Variants in FEZ1 observed in about 807,000 individuals in gnomAD.
The protein encoded by FEZ1 is fasciculation and elongation protein zeta 1.
FEZ1 carries 20 observed loss-of-function variants against 49.3 expected under a neutral mutation model. That is an observed-to-expected ratio of 0.41 (90% CI 0.29 to 0.59). FEZ1 has a LOEUF of 0.59. Ranked by LOEUF, FEZ1 falls within the 20% of genes least tolerant of loss-of-function variation. The probability of loss-of-function intolerance (pLI) is 0.36; values close to 1 mark genes in which losing one functional copy is unlikely to be tolerated. For synonymous variants in FEZ1, 170 were observed against 180.9 expected, an observed-to-expected ratio of 0.94 and a Z score of 0.48; for missense variants, 413 against 476.0, an observed-to-expected ratio of 0.87 and a Z score of 1.23.
chr11:125,471,274 A>G (rs1328974981), intron 3 of FEZ1, among the ~76,000 whole-genome samples: 1 of 152,138 alleles, frequency 6.6e-6, no homozygotes, highest in Non-Finnish European at 1.5e-5. Context: ...CCAAATGTCA[A>G]TGGACTACAC....
In FEZ1 at chr11:125,446,405, C is replaced by T. The variant is rs138798691; in HGVS notation, c.1163-294G>A. Among the ~76,000 whole-genome samples the T allele has an allele frequency of 7.6e-4, 115 of 152,314 alleles. No individual in the cohort carries two copies. The South Asian group carries it at 7.7e-3, about 10-fold the overall frequency. ...TTGTTTCTTCATCAATACAATAGAA[C>T]GTACCTGCGCCTACCCCGCAGGGTT... On this transcript the variant is annotated intron_variant, in intron 9 of 9. Transcript: ENST00000278919.
intron 2 of FEZ1, among the ~76,000 whole-genome samples, chr11:125,484,324 G>T (rs1957308773): frequency 6.6e-6 from 1 of 152,208 alleles, no homozygotes; most frequent in African/African-American, 2.4e-5. Flanking sequence ...ACTTGTCTCA[G>T]CTCACACTGC....
chr11:125,455,688 C>T (rs1339260656), intron 6 of FEZ1, 147 bp downstream of exon 6: 2 of 810,066 alleles, frequency 2.5e-6, no homozygotes, highest in Non-Finnish European at 4.2e-6. Flanking sequence ...TATCTTCTCC[C>T]TTTCTGACCC....
chr11:125,480,928 A>C (rs1417221951), intron 3 of FEZ1, among the ~76,000 whole-genome samples: 2 of 151,818 alleles, frequency 1.3e-5, no homozygotes, highest in African/African-American at 4.8e-5. Flanking sequence ...AGTCCCAGCT[A>C]CTCGGGATGC....
Position 125,489,047 on chromosome 11 carries a change from TTCGGGA to T in FEZ1, c.311+414_311+419del. 1 of 986,768 alleles carries T rather than the reference TTCGGGA, an allele frequency of 1.0e-6. No homozygotes were observed. The highest frequency in any genetic ancestry group is 1.2e-6 in the Non-Finnish European group (1 of 830,990). The allele number at this position is 986,768 out of a possible 1,614,324, so 61.1% of individuals were successfully genotyped here. ...TCCAGGCCTGAGGGGCTGTCAAAAA[TTCGGGA>T]TTTTCAAAATTCTGGTGTTTCTTGA... On this transcript the variant is annotated intron_variant, in intron 2 of 9. Coordinates refer to ENST00000278919, the MANE Select transcript of FEZ1 (RefSeq NM_005103.5). The surrounding 1 kb of genome is among the most constrained non-coding windows in gnomAD (Gnocchi z 4.2).
chr11:125,450,309 C>T (rs1249058794), intron 8 of FEZ1, among the ~76,000 whole-genome samples: 2 of 152,218 alleles, frequency 1.3e-5, no homozygotes, highest in East Asian at 1.9e-4. Context: ...GGATTACAGG[C>T]GTGAGCCACC....
chr11:125,452,598 C>T (rs1956968055), intron 7 of FEZ1, 189 bp from the exon 8 acceptor site: 1 of 550,358 alleles, frequency 1.8e-6, no homozygotes, highest in Non-Finnish European at 3.2e-6. Flanking sequence ...GTAAGACTTT[C>T]CCACATTTCT....
At chr11:125,488,979 A>G in intron 2 of FEZ1, 1 of 985,516 alleles carries the variant, frequency 1.0e-6, no homozygotes. Flanking sequence ...TTCAGTTTAG[A>G]TGCTTTCTTA....
At chr11:125,478,196 A>G (rs1957248390) in intron 3 of FEZ1, among the ~76,000 whole-genome samples, 1 of 152,174 alleles carries the variant, frequency 6.6e-6, no homozygotes, top group South Asian at 2.1e-4. Flanking sequence ...TAATCCCAGC[A>G]CTTTGGGAGG....
chr11:125,446,970 A>G (rs185442659), intron 9 of FEZ1, among the ~76,000 whole-genome samples: 5 of 152,196 alleles, frequency 3.3e-5, no homozygotes, highest in Non-Finnish European at 5.9e-5. Context: ...TAGAAACAAT[A>G]TATCTCAGGA....
At chr11:125,492,251 A>G (rs1362671675) in intron 1 of FEZ1, among the ~76,000 whole-genome samples, 1 of 152,256 alleles carries the variant, frequency 6.6e-6, no homozygotes, top group Non-Finnish European at 1.5e-5. Context: ...CGCAAGGGAC[A>G]ACACAGCTCT....
intron 1 of FEZ1, among the ~76,000 whole-genome samples, chr11:125,493,267 G>C (rs1406882898): frequency 6.6e-6 from 1 of 151,172 alleles, no homozygotes; most frequent in Admixed American, 6.6e-5. Flanking sequence ...CCAAGAGGCA[G>C]AGGTTGCAGT....
intron 2 of FEZ1, among the ~76,000 whole-genome samples, chr11:125,484,554 G>T (rs1350406642): frequency 6.6e-6 from 1 of 151,962 alleles, no homozygotes; most frequent in African/African-American, 2.4e-5. Flanking sequence ...TGTAATCTCA[G>T]CTACTTGGGA....
chr11:125,457,403 TAAAAA>T (rs141594971), intron 5 of FEZ1, among the ~76,000 whole-genome samples: 36 of 35,104 alleles, frequency 1.0e-3, no homozygotes, highest in South Asian at 7.0e-3. Flanking sequence ...GTTTCTACTT[TAAAAA>T]AAAAAAAAAA....
intron 3 of FEZ1, among the ~76,000 whole-genome samples, chr11:125,476,231 G>A (rs1025245061): frequency 5.9e-5 from 9 of 152,126 alleles, no homozygotes; most frequent in East Asian, 3.8e-4. Context: ...AAAATTTACC[G>A]CATTGCTCAC....
At chr11:125,450,429 G>A (rs1956943535) in intron 8 of FEZ1, among the ~76,000 whole-genome samples, 1 of 152,154 alleles carries the variant, frequency 6.6e-6, no homozygotes, top group African/African-American at 2.4e-5. Context: ...GCCACACCAC[G>A]AAGATCACGT....
intron 3 of FEZ1, among the ~76,000 whole-genome samples, chr11:125,476,530 G>A (rs1957235547): frequency 6.6e-6 from 1 of 152,086 alleles, no homozygotes. Flanking sequence ...ATGTTGAAAG[G>A]ACTCACTGAG....
At position 125,448,590 on chromosome 11, in the gene FEZ1, G is replaced by C. The variant is rs147322419; in HGVS notation, c.1097-23C>G. Reference sequence around the variant, plus strand: ...GAACTAGGAAAGGAGACAGAGAGAGGAACTAAGATACCATCTGGTCAGAGG... The same window carrying C: ...GAACTAGGAAAGGAGACAGAGAGAGCAACTAAGATACCATCTGGTCAGAGG... On this transcript the variant is annotated intron_variant, in intron 8 of 9. Coordinates refer to ENST00000278919, the MANE Select transcript of FEZ1 (RefSeq NM_005103.5). 89 of 1,517,968 alleles carry C rather than the reference G, an allele frequency of 5.9e-5. 2 individuals carry two copies. The highest frequency in any genetic ancestry group is 9.2e-7 in the Non-Finnish European group (1 of 1,092,674). The allele number at this position is 1,517,968 out of a possible 1,614,324, so 94.0% of individuals were successfully genotyped here. A position where few individuals can be genotyped will look rare whatever the true frequency, so the allele number is the denominator to read the frequency against.
At chr11:125,485,208 G>A (rs1957316096) in intron 2 of FEZ1, among the ~76,000 whole-genome samples, 1 of 152,154 alleles carries the variant, frequency 6.6e-6, no homozygotes, top group South Asian at 2.1e-4. Context: ...CTCCATCCCT[G>A]TATAACAGAA....
Sources: gnomAD v4.1 joint callset for allele counts (sites outside exome capture counted in the v4.1 genomes callset) on GRCh38, gnomAD v4.1.1 for gene constraint, Gnocchi (gnomAD v3.1) non-coding constraint, MANE v1.5 for transcripts, NCBI Gene and HGNC (gene_info 2026-07-23, HGNC 2026-07-21) for gene names.